Variants in AHRR observed in about 807,000 individuals in gnomAD.
AHRR encodes ahR repressor.
AHRR carries 28 observed loss-of-function variants against 44.0 expected under a neutral mutation model. The ratio of observed to expected loss-of-function variants is 0.64; its 90% CI spans 0.47 to 0.87. The LOEUF is 0.87. Among genes scored for constraint, AHRR ranks in the 40% least tolerant of loss-of-function variants. AHRR has a pLI of 0.00. For missense variants in AHRR, 990 were observed against 953.9 expected, an observed-to-expected ratio of 1.04 and a Z score of -0.50; for synonymous variants, 434 against 407.0, an observed-to-expected ratio of 1.07 and a Z score of -0.80.
chr5:430,021 G>C (rs1736652340), intron 8 of AHRR, among the ~76,000 whole-genome samples: 1 of 152,226 alleles, frequency 6.6e-6, no homozygotes, highest in Non-Finnish European at 1.5e-5. Flanking sequence ...GTTCACAGCA[G>C]ATGGAGCTGT....
chr5:407,041 T>C (rs1735290068), intron 4 of AHRR, among the ~76,000 whole-genome samples: 1 of 152,232 alleles, frequency 6.6e-6, no homozygotes, highest in Non-Finnish European at 1.5e-5. Context: ...GTCCATTGAT[T>C]TATGTGTCTG....
Position 437,829 on chromosome 5 carries a change from C to G in AHRR, c.*2995C>G, listed in dbSNP as rs915425507. ...GAGGTGTCCGACATCCCTTCCTCAA[C>G]GGCAACAAAAACTCCCCAAGTCAGC... On this transcript the variant is annotated 3_prime_UTR_variant, in exon 11 of 11. Coordinates refer to ENST00000684583, the MANE Select transcript of AHRR (RefSeq NM_001377236.1). The G allele has an allele frequency of 6.6e-6, 1 of 152,372 alleles. No homozygotes were observed. Among genetic ancestry groups the G allele is most frequent in the African/African-American group, 2.4e-5 (1 of 41,456 alleles). The allele number at this position is 152,372 out of a possible 1,614,324, so 9.4% of individuals were successfully genotyped here.
intron 5 of AHRR, among the ~76,000 whole-genome samples, chr5:414,625 G>T (rs1431074647): frequency 1.3e-5 from 2 of 152,168 alleles, no homozygotes; most frequent in Non-Finnish European, 2.9e-5. Context: ...GTGCTTCCTG[G>T]AAGAACTTAA....
intron 4 of AHRR, among the ~76,000 whole-genome samples, chr5:399,319 G>A (rs541437444): frequency 6.6e-6 from 1 of 152,384 alleles, no homozygotes; most frequent in African/African-American, 2.4e-5. Flanking sequence ...ATTCACTGTG[G>A]TAACCGTCAG....
rs1324564023 is a variant in AHRR, at chr5:338,661, A to G, written c.-10-5232A>G. Among the ~76,000 whole-genome samples, 1 of 152,168 alleles carries G rather than the reference A, an allele frequency of 6.6e-6. No individual in the cohort carries two copies. The highest frequency in any genetic ancestry group is 1.5e-5 in the Non-Finnish European group (1 of 68,024). The stretch of plus-strand genomic sequence containing the variant: ...GTTCAAGGCCAGACTGGGCAACATG[A>G]TGAAACCCCATCTCTACAAAAAATA... On this transcript the variant is annotated intron_variant, in intron 1 of 10. Transcript: ENST00000684583. The surrounding 1 kb of genome is among the most constrained non-coding windows in gnomAD (Gnocchi z 4.1).
chr5:363,763 C>T (rs1010866794), intron 3 of AHRR, among the ~76,000 whole-genome samples: 12 of 152,196 alleles, frequency 7.9e-5, no homozygotes, highest in African/African-American at 2.9e-4. Context: ...AGCTGCCCAT[C>T]CCTCTCATGG....
At chr5:375,675 G>C (rs1743755887) in intron 3 of AHRR, among the ~76,000 whole-genome samples, 1 of 152,158 alleles carries the variant, frequency 6.6e-6, no homozygotes, top group Admixed American at 6.5e-5. Flanking sequence ...AGCAGCAGAT[G>C]CCCCCCCGGC....
intron 7 of AHRR, among the ~76,000 whole-genome samples, chr5:424,590 A>ATGTAAAAC: frequency 6.6e-6 from 1 of 151,854 alleles, no homozygotes; most frequent in East Asian, 1.9e-4. Flanking sequence ...GTCGATGAGA[A>ATGTAAAAC]TGTAAAACTC....
intron 8 of AHRR, 70 bp downstream of exon 8, chr5:428,076 A>G (rs980887728): frequency 8.8e-6 from 13 of 1,485,674 alleles, no homozygotes; most frequent in Admixed American, 3.8e-5. Context: ...CTCCACACTC[A>G]GTGTTTTCTG....
chr5:386,149 A>G (rs1021561135), intron 4 of AHRR, among the ~76,000 whole-genome samples: 2 of 152,076 alleles, frequency 1.3e-5, no homozygotes, highest in Non-Finnish European at 2.9e-5. Context: ...GAGTATGGTT[A>G]TATTGGCTGT....
intron 5 of AHRR, among the ~76,000 whole-genome samples, chr5:415,353 G>A (rs1735690434): frequency 7.1e-6 from 1 of 140,150 alleles, no homozygotes; most frequent in African/African-American, 2.7e-5. Context: ...GGGAGGCCTA[G>A]GGGCCGAGTC....
chr5:407,162 C>A (rs1338843966), intron 4 of AHRR, among the ~76,000 whole-genome samples: 5 of 152,174 alleles, frequency 3.3e-5, no homozygotes, highest in Non-Finnish European at 7.3e-5. Context: ...GCTATCATTG[C>A]ATATTTATTT....
rs1472927530 is a variant in AHRR at position 435,118 on chromosome 5, T to C, written c.*284T>C. On this transcript the variant is annotated 3_prime_UTR_variant, in exon 11 of 11. Coordinates refer to ENST00000684583, the MANE Select transcript of AHRR (RefSeq NM_001377236.1). ...AAATCTTTAGGAAAGTGATCATGGC[T>C]GGACAGCTTCATGCCCCAGAGGCAG... 1.4e-5 allele frequency: 6 copies of C among 431,720 alleles called. No homozygotes were observed. The highest frequency in any genetic ancestry group is 2.1e-5 in the Non-Finnish European group (5 of 242,164). The allele number at this position is 431,720 out of a possible 1,614,324, so 26.7% of individuals were successfully genotyped here. A position where few individuals can be genotyped will look rare whatever the true frequency, so the allele number is the denominator to read the frequency against.
rs1047756768 is a variant in AHRR at position 423,951 on chromosome 5, C to T, written c.682C>T (p.Leu228=). The change falls in exon 7 of 11, where the codon CTG becomes TTG. Residue 228 remains leucine, a synonymous_variant. Transcript: ENST00000684583. ...CTGCTTCATCTGCCGTGTGCGCTGC[C>T]TGCTGGACAGCACCTCGGGCTTCCT... ...TRCFICRVRC[L]LDSTSGFLTM... The T allele has an allele frequency of 6.2e-7, 1 of 1,601,038 alleles. No individual in the cohort carries two copies. The highest frequency in any genetic ancestry group is 1.3e-5 in the African/African-American group (1 of 74,936).
intron 5 of AHRR, chr5:420,977 C>T: frequency 3.2e-6 from 1 of 315,420 alleles, no homozygotes. Flanking sequence ...GCTGAACAGC[C>T]AAAATATACA....
intron 10 of AHRR, among the ~76,000 whole-genome samples, chr5:433,593 C>A (rs1441464649): frequency 6.6e-6 from 1 of 152,222 alleles, no homozygotes; most frequent in African/African-American, 2.4e-5. Flanking sequence ...CTCACAGAGA[C>A]ATCTCCCTGA....
chr5:427,522 A>G (rs573025009), intron 7 of AHRR: 14 of 1,295,386 alleles, frequency 1.1e-5, no homozygotes, highest in African/African-American at 8.7e-5. Flanking sequence ...GGTGGCACAC[A>G]TGAACAGGCA....
intron 4 of AHRR, among the ~76,000 whole-genome samples, chr5:379,684 A>G (rs1308452803): frequency 1.3e-5 from 2 of 152,078 alleles, no homozygotes; most frequent in East Asian, 1.9e-4. Context: ...AAACCAGCTC[A>G]TTTGCTTGTT....
At chr5:422,557 A>G in intron 5 of AHRR, 172 bp from the exon 6 acceptor site, 1 of 828,810 alleles carries the variant, frequency 1.2e-6, no homozygotes, top group Admixed American at 2.2e-5. Flanking sequence ...ACATCTTCTC[A>G]GGAGGGAGTG....
Sources: gnomAD v4.1 joint callset for allele counts (sites outside exome capture counted in the v4.1 genomes callset) on GRCh38, gnomAD v4.1.1 for gene constraint, Gnocchi (gnomAD v3.1) non-coding constraint, MANE v1.5 for transcripts, NCBI Gene and HGNC (gene_info 2026-07-23, HGNC 2026-07-21) for gene names.